The following HS6ST2 variants were observed in gnomAD, a reference collection of about 807,000 sequenced individuals.
HS6ST2 encodes the protein heparan-sulfate 6-O-sulfotransferase 2.
HS6ST2 carries 17 observed loss-of-function variants against 33.0 expected under a neutral mutation model. That is an observed-to-expected ratio of 0.52 (90% CI 0.35 to 0.77). The LOEUF (loss-of-function observed/expected upper bound fraction) is 0.77. Among genes scored for constraint, HS6ST2 ranks in the 30% least tolerant of loss-of-function variants. The probability of loss-of-function intolerance (pLI) is 0.01; values close to 1 mark genes in which losing one functional copy is unlikely to be tolerated. For synonymous variants in HS6ST2, 248 were observed against 237.1 expected, an observed-to-expected ratio of 1.05 and a Z score of -0.42; for missense variants, 519 against 551.7, an observed-to-expected ratio of 0.94 and a Z score of 0.59.
intron 2 of HS6ST2, among the ~76,000 whole-genome samples, chrX:132,741,845 A>T (rs181596278): frequency 8.9e-6 from 1 of 111,851 alleles, no homozygotes; most frequent in African/African-American, 3.2e-5. Flanking sequence ...CTAAGTCTGC[A>T]ACTTACTAGC....
chrX:132,698,139 C>T (rs17251211), intron 3 of HS6ST2, among the ~76,000 whole-genome samples: 3,878 of 111,469 alleles, frequency 0.035, 84 homozygotes, highest in Non-Finnish European at 0.054. Context: ...TCTTGCCTTT[C>T]CTAGACTCAA....
chrX:132,812,711 G>A (rs1193434091), intron 2 of HS6ST2, among the ~76,000 whole-genome samples: 4 of 109,681 alleles, frequency 3.6e-5, no homozygotes, highest in Admixed American at 9.9e-5. Context: ...TTCTTACGCA[G>A]AGAATTCTAA....
chrX:132,657,915 C>T (rs1329613760), intron 4 of HS6ST2, among the ~76,000 whole-genome samples: 1 of 108,550 alleles, frequency 9.2e-6, no homozygotes, highest in East Asian at 3.0e-4. Flanking sequence ...TCCATAGGCA[C>T]GTATTGGGGA....
At chrX:132,635,354 G>A (rs1206390338) in intron 4 of HS6ST2, among the ~76,000 whole-genome samples, 7 of 111,123 alleles carry the variant, frequency 6.3e-5, no homozygotes, top group South Asian at 3.8e-4. Flanking sequence ...GTAGCATCCC[G>A]TCCTACTCTT....
intron 4 of HS6ST2, among the ~76,000 whole-genome samples, chrX:132,642,430 A>G (rs967298680): frequency 9.9e-5 from 11 of 110,568 alleles, no homozygotes; most frequent in African/African-American, 3.6e-4. Flanking sequence ...TGAAGTGCAA[A>G]CCCTGGCTTT....
At chrX:132,655,516 T>A (rs2148187094) in intron 4 of HS6ST2, among the ~76,000 whole-genome samples, 1 of 111,687 alleles carries the variant, frequency 9.0e-6, no homozygotes, top group East Asian at 2.8e-4. Flanking sequence ...TCCAAGGTAC[T>A]AGAGCTGGGA....
chrX:132,939,732 A>G (rs1436667494), intron 2 of HS6ST2, among the ~76,000 whole-genome samples: 6 of 112,550 alleles, frequency 5.3e-5, no homozygotes, highest in African/African-American at 1.9e-4. Flanking sequence ...TTTTAAATAA[A>G]TTTAACAAAA....
At chrX:132,668,717 T>C (rs1351168923) in intron 4 of HS6ST2, among the ~76,000 whole-genome samples, 1 of 112,032 alleles carries the variant, frequency 8.9e-6, no homozygotes, top group Non-Finnish European at 1.9e-5. Flanking sequence ...AAGCCTAAAC[T>C]CAGTGTATGG....
intron 2 of HS6ST2, among the ~76,000 whole-genome samples, chrX:132,861,855 T>C (rs1054457308): frequency 1.8e-5 from 2 of 112,297 alleles, no homozygotes; most frequent in African/African-American, 6.5e-5. Flanking sequence ...ATTCTATGTA[T>C]ATTTTTATTG....
At chrX:132,754,793 C>A (rs185025893) in intron 2 of HS6ST2, among the ~76,000 whole-genome samples, 98 of 110,375 alleles carry the variant, frequency 8.9e-4, no homozygotes, top group African/African-American at 2.9e-3. Context: ...CTCACTGCAG[C>A]CTCAACCTCC....
chrX:132,937,949 C>T (rs755072266), intron 2 of HS6ST2, among the ~76,000 whole-genome samples: 17 of 108,748 alleles, frequency 1.6e-4, no homozygotes, highest in South Asian at 1.2e-3. Context: ...ACCTCCTGAG[C>T]GCAGGAGTTT....
Position 132,806,382 on chromosome X carries a change from T to A in HS6ST2, c.948-97888A>T, listed in dbSNP as rs189761930. On this transcript the variant is annotated intron_variant, in intron 2 of 4. Transcript: ENST00000370833. ...TTTCTTTTTGTTATGACTTGTATAA[T>A]TTCTTCCTTTGTAAATCACTCTCCA... 2.7e-5 allele frequency among the ~76,000 whole-genome samples: 3 copies of A among 110,097 alleles called. No homozygotes were observed. In the East Asian group the frequency reaches 8.4e-4, roughly 31 times the overall value.
At chrX:132,821,042 G>C (rs1019201290) in intron 2 of HS6ST2, among the ~76,000 whole-genome samples, 1 of 109,823 alleles carries the variant, frequency 9.1e-6, no homozygotes, top group East Asian at 2.9e-4. Context: ...AAAGTGATTT[G>C]ACTGATAATT....
chrX:132,674,878 T>C (rs939627617), intron 3 of HS6ST2, among the ~76,000 whole-genome samples: 2 of 111,266 alleles, frequency 1.8e-5, no homozygotes, highest in African/African-American at 6.5e-5. Context: ...AATTGGATGG[T>C]TTGGGGTAAT....
At chrX:132,937,310 C>A (rs2066834781) in intron 2 of HS6ST2, among the ~76,000 whole-genome samples, 2 of 111,744 alleles carry the variant, frequency 1.8e-5, no homozygotes, top group Admixed American at 9.5e-5. Flanking sequence ...TGTCAAAATA[C>A]CAATAACATT....
chrX:132,708,941 T>C (rs1444075361), intron 2 of HS6ST2, among the ~76,000 whole-genome samples: 1 of 112,603 alleles, frequency 8.9e-6, no homozygotes, highest in Non-Finnish European at 1.9e-5. Context: ...ATCAGGAATA[T>C]ACGAAACACA....
chrX:132,880,920 T>G (rs1189415556), intron 2 of HS6ST2, among the ~76,000 whole-genome samples: 1 of 109,768 alleles, frequency 9.1e-6, no homozygotes. Context: ...AATGATGGTT[T>G]CCAGCTTCAT....
At chrX:132,674,461 C>T (rs1002003566) in intron 3 of HS6ST2, among the ~76,000 whole-genome samples, 5 of 111,965 alleles carry the variant, frequency 4.5e-5, no homozygotes, top group African/African-American at 1.3e-4. Context: ...GCAACCAGGG[C>T]GCTCACATTA....
chrX:132,734,991 G>A (rs1355856095), intron 2 of HS6ST2: 2 of 110,881 alleles, frequency 1.8e-5, no homozygotes, highest in Non-Finnish European at 1.9e-5. Context: ...AGATGGGGAT[G>A]GGGGGTGGTG....
Sources: gnomAD v4.1 joint callset for allele counts (sites outside exome capture counted in the v4.1 genomes callset) on GRCh38, gnomAD v4.1.1 for gene constraint, MANE v1.5 for transcripts, NCBI Gene and HGNC (gene_info 2026-07-23, HGNC 2026-07-21) for gene names.